Variants in GPC6 observed in about 807,000 individuals in gnomAD.
The protein encoded by GPC6 is glypican 6.
In GPC6, 14 loss-of-function variants were observed where a neutral mutation model predicts 55.2. The observed-to-expected ratio is 0.25, with a 90% CI of 0.17 to 0.40. GPC6 has a LOEUF of 0.40. Ranked by LOEUF, GPC6 falls within the 10% of genes least tolerant of loss-of-function variation. GPC6 has a pLI of 1.00. For synonymous variants in GPC6, 278 were observed against 259.6 expected, an observed-to-expected ratio of 1.07 and a Z score of -0.68; for missense variants, 641 against 708.5, an observed-to-expected ratio of 0.90 and a Z score of 1.08.
intron 4 of GPC6, among the ~76,000 whole-genome samples, chr13:94,029,974 A>G (rs1449333725): frequency 2.0e-5 from 3 of 151,654 alleles, no homozygotes; most frequent in Admixed American, 6.6e-5. Flanking sequence ...TTCGTCCTAT[A>G]TGAACGTATT....
intron 2 of GPC6, among the ~76,000 whole-genome samples, chr13:93,664,181 A>G (rs1415241752): frequency 6.6e-6 from 1 of 152,212 alleles, no homozygotes; most frequent in East Asian, 1.9e-4. Context: ...ATTTATTCTA[A>G]GTACTTTGAA....
At chr13:94,283,047 A>G (rs536300174) in intron 4 of GPC6, among the ~76,000 whole-genome samples, 1 of 152,364 alleles carries the variant, frequency 6.6e-6, no homozygotes, top group South Asian at 2.1e-4. Context: ...TCAAAAGATT[A>G]ATTTAACATA....
chr13:93,783,389 TCA>T (rs2138910741), intron 2 of GPC6, among the ~76,000 whole-genome samples: 1 of 83,140 alleles, frequency 1.2e-5, no homozygotes, highest in Non-Finnish European at 2.3e-5. Flanking sequence ...CATTGAGGAA[TCA>T]CCACACTGTC....
chr13:93,420,041 C>T (rs530228740), intron 1 of GPC6, among the ~76,000 whole-genome samples: 117 of 151,766 alleles, frequency 7.7e-4, no homozygotes, highest in African/African-American at 2.6e-3. Flanking sequence ...CACACACACA[C>T]GATAGAACAA....
Position 93,830,584 on chromosome 13 carries a change from T to C in GPC6, c.711+39T>C, listed in dbSNP as rs531024496. On this transcript the variant is annotated intron_variant, in intron 3 of 8. Coordinates refer to ENST00000377047, the MANE Select transcript of GPC6 (RefSeq NM_005708.5). ...TGCTTTCTTTCTCATTGGTGTTCCTTGTTTATTCTGTTTTTAAAACCAATG... is the reference window on the plus strand; with the variant it reads ...TGCTTTCTTTCTCATTGGTGTTCCTCGTTTATTCTGTTTTTAAAACCAATG... 8.1e-5 allele frequency: 123 copies of C among 1,516,292 alleles called. 1 individual carries two copies. In the South Asian group the frequency reaches 1.4e-3, roughly 17 times the overall value. The allele number at this position is 1,516,292 out of a possible 1,614,324, so 93.9% of individuals were successfully genotyped here. A position where few individuals can be genotyped will look rare whatever the true frequency, so the allele number is the denominator to read the frequency against.
intron 6 of GPC6, among the ~76,000 whole-genome samples, chr13:94,379,550 C>T (rs576072856): frequency 6.6e-6 from 1 of 152,122 alleles, no homozygotes; most frequent in Non-Finnish European, 1.5e-5. Flanking sequence ...CCTCTTGGGA[C>T]GATGAACACA....
At position 93,592,477 on chromosome 13, in the gene GPC6, C is replaced by A. The variant is rs183284743; in HGVS notation, c.319+47056C>A. Among the ~76,000 whole-genome samples, 419 of 149,884 alleles carry A rather than the reference C, an allele frequency of 2.8e-3. 5 individuals are homozygous for A. The highest frequency in any genetic ancestry group is 9.9e-3 in the African/African-American group (407 of 41,062). The stretch of plus-strand genomic sequence containing the variant: ...TGTTGGCCAGGGTGGTCTCAATCTT[C>A]TGACCTAGTGATCCACCCACCTCAG... On this transcript the variant is annotated intron_variant, in intron 2 of 8. Coordinates refer to ENST00000377047, the MANE Select transcript of GPC6 (RefSeq NM_005708.5).
intron 3 of GPC6, among the ~76,000 whole-genome samples, chr13:94,006,434 G>T (rs750362025): frequency 6.6e-6 from 1 of 152,148 alleles, no homozygotes; most frequent in South Asian, 2.1e-4. Context: ...AAGCAGATGC[G>T]CTCCTCAGCA....
intron 1 of GPC6, among the ~76,000 whole-genome samples, chr13:93,360,064 G>A (rs1880990904): frequency 6.6e-6 from 1 of 152,124 alleles, no homozygotes; most frequent in Non-Finnish European, 1.5e-5. Context: ...TGATTGTAAA[G>A]AAAATGTCTA....
intron 1 of GPC6, among the ~76,000 whole-genome samples, chr13:93,384,476 A>T (rs1418961417): frequency 6.6e-6 from 1 of 152,056 alleles, no homozygotes; most frequent in Non-Finnish European, 1.5e-5. Flanking sequence ...GATGATAATT[A>T]TAAAGAATTG....
intron 1 of GPC6, among the ~76,000 whole-genome samples, chr13:93,454,408 T>C (rs547971547): frequency 4.8e-5 from 6 of 125,368 alleles, no homozygotes; most frequent in African/African-American, 1.7e-4. Flanking sequence ...TGCTGATTGG[T>C]GTGTTTACAA....
rs1878856987 is a variant in GPC6, at chr13:93,943,865, T to C, written c.712-83864T>C. Among the ~76,000 whole-genome samples, 3 of 152,204 alleles carry C rather than the reference T, an allele frequency of 2.0e-5. No homozygotes were observed. The South Asian group carries it at 6.2e-4, about 31-fold the overall frequency. ...AAGGAGGCAAGGCTCTAATCTCTTT[T>C]CTGTTAATAATTGCTGTTTCCGTCA... On this transcript the variant is annotated intron_variant, in intron 3 of 8. Transcript: ENST00000377047.
chr13:93,502,900 A>G (rs1471169654), intron 1 of GPC6, among the ~76,000 whole-genome samples: 1 of 152,156 alleles, frequency 6.6e-6, no homozygotes, highest in Non-Finnish European at 1.5e-5. Context: ...GATACTATAG[A>G]TGTAACTAAC....
rs1476308340 is a variant in GPC6, at chr13:93,762,982, T to C, written c.320-67172T>C. ...GTAATAGAGTGCACCTTGGAAAAGA[T>C]TTATATTTGAGGCCCAGTTAGCTGG... On this transcript the variant is annotated intron_variant, in intron 2 of 8. Coordinates refer to ENST00000377047, the MANE Select transcript of GPC6 (RefSeq NM_005708.5). Among the ~76,000 whole-genome samples, 4 of 152,114 alleles carry C rather than the reference T, an allele frequency of 2.6e-5. No homozygotes were observed. The East Asian group carries it at 7.7e-4, about 29-fold the overall frequency.
chr13:93,303,029 T>C (rs1428931359), intron 1 of GPC6, among the ~76,000 whole-genome samples: 1 of 152,132 alleles, frequency 6.6e-6, no homozygotes, highest in Non-Finnish European at 1.5e-5. Flanking sequence ...TATAATTATA[T>C]AACTAGGGAC....
chr13:93,656,541 T>C (rs2139606220), intron 2 of GPC6, among the ~76,000 whole-genome samples: 1 of 152,256 alleles, frequency 6.6e-6, no homozygotes, highest in South Asian at 2.1e-4. Context: ...TCTGTAAATG[T>C]ACTTACCTCT....
chr13:93,812,850 T>C (rs1451317700), intron 2 of GPC6, among the ~76,000 whole-genome samples: 1 of 152,224 alleles, frequency 6.6e-6, no homozygotes, highest in Non-Finnish European at 1.5e-5. Context: ...GGGACTATTA[T>C]TATTTGCATT....
At chr13:94,378,042 G>C (rs951554827) in intron 6 of GPC6, among the ~76,000 whole-genome samples, 14 of 152,242 alleles carry the variant, frequency 9.2e-5, no homozygotes, top group African/African-American at 3.4e-4. Context: ...TCTGGGGACT[G>C]TTGTGGGGTG....
At chr13:93,324,997 A>G (rs1474779745) in intron 1 of GPC6, among the ~76,000 whole-genome samples, 1 of 152,154 alleles carries the variant, frequency 6.6e-6, no homozygotes, top group Admixed American at 6.5e-5. Context: ...TTTGCCTGGA[A>G]AAAACGAAAA....
Sources: allele counts gnomAD v4.1 joint callset (sites outside exome capture counted in the v4.1 genomes callset), GRCh38; gene constraint gnomAD v4.1.1; transcripts MANE v1.5; gene names NCBI Gene and HGNC (gene_info 2026-07-23, HGNC 2026-07-21).